Variants in PPP1R9A observed in about 807,000 individuals in gnomAD.
PPP1R9A encodes the protein protein phosphatase 1 regulatory subunit 9A, also known as neurabin-1.
A neutral mutation model predicts 141.9 loss-of-function variants in PPP1R9A; 59 were observed. The ratio of observed to expected loss-of-function variants is 0.42; its 90% confidence interval spans 0.34 to 0.52. The LOEUF (loss-of-function observed/expected upper bound fraction) is 0.52. PPP1R9A is among the 20% of genes least tolerant of loss of function. PPP1R9A has a pLI of 0.10. For synonymous variants in PPP1R9A, 500 were observed against 569.7 expected, an observed-to-expected ratio of 0.88 and a Z score of 1.74; for missense variants, 1,444 against 1,611.9, an observed-to-expected ratio of 0.90 and a Z score of 1.78.
chr7:95,167,601 T>A (rs1831458448), intron 5 of PPP1R9A, among the ~76,000 whole-genome samples: 1 of 152,052 alleles, frequency 6.6e-6, no homozygotes, highest in Non-Finnish European at 1.5e-5. Context: ...AAAGAGAATG[T>A]CAAACGGTCC....
intron 2 of PPP1R9A, among the ~76,000 whole-genome samples, chr7:95,097,396 G>A (rs1323456278): frequency 1.4e-5 from 2 of 141,804 alleles, no homozygotes; most frequent in Non-Finnish European, 3.2e-5. Flanking sequence ...TTTGAAGTAA[G>A]AATCAATGGC....
intron 5 of PPP1R9A, among the ~76,000 whole-genome samples, chr7:95,191,821 A>G (rs1296404566): frequency 1.3e-5 from 2 of 152,092 alleles, no homozygotes; most frequent in African/African-American, 4.8e-5. Context: ...GCAAAGAAAA[A>G]AATTTAGAAT....
chr7:94,970,502 C>T (rs1425576576), intron 2 of PPP1R9A, among the ~76,000 whole-genome samples: 1 of 152,158 alleles, frequency 6.6e-6, no homozygotes, highest in Non-Finnish European at 1.5e-5. Context: ...GCTGTACCCA[C>T]TCTCTAACCA....
rs972195378 is a variant in PPP1R9A at position 95,136,564 on chromosome 7, T to A, written c.1649+15732T>A. ...CTAGATAGTCTGAGAAAATAACATTTTAAATGATGATTGGCTAGGAGAATA... is the reference window on the plus strand; with the variant it reads ...CTAGATAGTCTGAGAAAATAACATTATAAATGATGATTGGCTAGGAGAATA... On this transcript the variant is annotated intron_variant, in intron 4 of 19. Transcript: ENST00000433360. Among the ~76,000 whole-genome samples, 4 of 152,288 alleles carry A rather than the reference T, an allele frequency of 2.6e-5. No individual in the cohort carries two copies. The East Asian group carries it at 7.7e-4, about 29-fold the overall frequency.
chr7:94,922,322 T>C (rs1347938528), intron 2 of PPP1R9A, among the ~76,000 whole-genome samples: 2 of 152,004 alleles, frequency 1.3e-5, no homozygotes, highest in African/African-American at 4.8e-5. Flanking sequence ...GTTTTCAGTT[T>C]GGTAGGTGAA....
At chr7:95,130,986 T>C (rs1253614178) in intron 4 of PPP1R9A, among the ~76,000 whole-genome samples, 1 of 152,156 alleles carries the variant, frequency 6.6e-6, no homozygotes, top group East Asian at 1.9e-4. Flanking sequence ...CTGTGGACTT[T>C]TGAGTTAATG....
chr7:95,270,916 A>G (rs1323241905), intron 14 of PPP1R9A, among the ~76,000 whole-genome samples: 1 of 152,172 alleles, frequency 6.6e-6, no homozygotes, highest in Non-Finnish European at 1.5e-5. Flanking sequence ...GGGCCTCTGC[A>G]AGTATAGATA....
intron 2 of PPP1R9A, among the ~76,000 whole-genome samples, chr7:95,000,180 A>G (rs994142265): frequency 1.3e-5 from 2 of 152,168 alleles, no homozygotes; most frequent in African/African-American, 4.8e-5. Context: ...AAAATTTTTC[A>G]TACCCATCAT....
chr7:95,043,544 C>A (rs1449035099), intron 2 of PPP1R9A, among the ~76,000 whole-genome samples: 2 of 152,142 alleles, frequency 1.3e-5, no homozygotes, highest in Non-Finnish European at 2.9e-5. Flanking sequence ...TCTCGACCTA[C>A]TTCTGCAGGC....
intron 2 of PPP1R9A, among the ~76,000 whole-genome samples, chr7:94,991,382 T>C (rs1444388651): frequency 6.6e-6 from 1 of 152,152 alleles, no homozygotes; most frequent in African/African-American, 2.4e-5. Context: ...CACTTGCCTT[T>C]TTGTTTGTTT....
Position 95,227,076 on chromosome 7 carries a change from G to T in PPP1R9A, c.2112+960G>T, listed in dbSNP as rs573730339. Among the ~76,000 whole-genome samples the T allele has an allele frequency of 9.8e-5, 15 of 152,298 alleles. No homozygotes were observed. The South Asian group carries it at 2.3e-3, about 23-fold the overall frequency. ...AGCAATGCAGAAAAAGAAAAGGTCT[G>T]CAGAAAGTGGCTGAGTGGGAGAAAG... is the stretch of plus-strand genomic sequence containing the variant. On this transcript the variant is annotated intron_variant, in intron 8 of 19. Coordinates refer to ENST00000433360, the MANE Select transcript of PPP1R9A (RefSeq NM_001166160.2).
chr7:95,257,954 G>C (rs1799848172), intron 12 of PPP1R9A, among the ~76,000 whole-genome samples: 1 of 152,100 alleles, frequency 6.6e-6, no homozygotes, highest in Admixed American at 6.6e-5. Context: ...CTTTGCTATT[G>C]TGAATAGTGC....
At chr7:95,035,288 A>T (rs1387900283) in intron 2 of PPP1R9A, among the ~76,000 whole-genome samples, 2 of 152,234 alleles carry the variant, frequency 1.3e-5, no homozygotes, top group East Asian at 3.8e-4. Flanking sequence ...AGAACATATA[A>T]TGCATGAATG....
chr7:94,910,245 A>T lies in PPP1R9A; in HGVS notation c.132A>T (p.Lys44Asn), dbSNP rs747028737. 6.2e-7 allele frequency: 1 copy of T among 1,614,148 alleles called. No individual in the cohort carries two copies. Among genetic ancestry groups the T allele is most frequent in the Admixed American group, 1.7e-5 (1 of 60,028 alleles). Reference protein sequence around the residue: ...FDKPKSDGEQKTKEGEGSQQS... With the variant: ...FDKPKSDGEQNTKEGEGSQQS... Reference sequence around the variant, plus strand: ...AACCCAAGTCAGATGGGGAACAAAAAACAAAAGAAGGTGAGGGCTCCCAGC... The same window carrying T: ...AACCCAAGTCAGATGGGGAACAAAATACAAAAGAAGGTGAGGGCTCCCAGC... The change falls in exon 2 of 20, where the codon AAA becomes AAT. Residue 44 changes from lysine (K) to asparagine (N), a missense_variant. Transcript: ENST00000433360. The surrounding 1 kb of genome is among the most constrained non-coding windows in gnomAD (Gnocchi z 4.5).
chr7:94,967,928 A>G (rs915057955), intron 2 of PPP1R9A, among the ~76,000 whole-genome samples: 108 of 152,244 alleles, frequency 7.1e-4, no homozygotes, highest in Non-Finnish European at 1.3e-3. Flanking sequence ...TATTAGGTCA[A>G]CTTGGTCCAG....
At chr7:95,207,477 A>G (rs904092014) in intron 7 of PPP1R9A, among the ~76,000 whole-genome samples, 1 of 152,154 alleles carries the variant, frequency 6.6e-6, no homozygotes, top group African/African-American at 2.4e-5. Context: ...CATCCCATTC[A>G]TAAAAACAAT....
intron 5 of PPP1R9A, among the ~76,000 whole-genome samples, chr7:95,194,320 A>G (rs944144239): frequency 1.3e-5 from 2 of 152,078 alleles, no homozygotes; most frequent in African/African-American, 4.8e-5. Context: ...ACCATAAAAA[A>G]CATAATATTG....
intron 5 of PPP1R9A, among the ~76,000 whole-genome samples, chr7:95,189,657 C>CAGA (rs1835194766): frequency 6.6e-6 from 1 of 151,662 alleles, no homozygotes; most frequent in Non-Finnish European, 1.5e-5. Flanking sequence ...GGGATGGTCT[C>CAGA]GATCTCCTGA....
chr7:95,059,362 A>G (rs1171685551), intron 2 of PPP1R9A, among the ~76,000 whole-genome samples: 6 of 152,136 alleles, frequency 3.9e-5, no homozygotes, highest in African/African-American at 4.8e-5. Flanking sequence ...TCTTTTTACA[A>G]AATCCCAGAG....
Sources: gnomAD v4.1 joint callset for allele counts (sites outside exome capture counted in the v4.1 genomes callset) on GRCh38, gnomAD v4.1.1 for gene constraint, Gnocchi (gnomAD v3.1) non-coding constraint, MANE v1.5 for transcripts, NCBI Gene and HGNC (gene_info 2026-07-23, HGNC 2026-07-21) for gene names.